ADAMTSL1: variants seen among roughly 807,000 people sequenced by gnomAD.
ADAMTSL1 encodes ADAMTS-like protein 1.
Under a neutral mutation model 201.8 loss-of-function variants are expected in ADAMTSL1, and 126 were observed. That is an observed-to-expected ratio of 0.62 (90% CI 0.54 to 0.72). ADAMTSL1 has a LOEUF of 0.72. Among genes scored for constraint, ADAMTSL1 ranks in the 30% least tolerant of loss-of-function variants. The pLI is 0.00. For synonymous variants in ADAMTSL1, 1,121 were observed against 903.4 expected (o/e 1.24, Z -4.32); for missense variants, 2,679 against 2,277.8 (o/e 1.18, Z -3.59).
chr9:18,572,399 A>C (rs1278846388), intron 3 of ADAMTSL1, among the ~76,000 whole-genome samples: 1 of 152,114 alleles, frequency 6.6e-6, no homozygotes, highest in East Asian at 1.9e-4. Context: ...TTATCTAAAA[A>C]ATTAATAATT....
chr9:18,083,997 G>A (rs973277467), intron 1 of ADAMTSL1, among the ~76,000 whole-genome samples: 3 of 152,056 alleles, frequency 2.0e-5, no homozygotes, highest in South Asian at 2.1e-4. Flanking sequence ...AACTAATGGA[G>A]GTCAATTAAA....
chr9:18,905,634 T>C lies in ADAMTSL1; in HGVS notation c.4852-148T>C, dbSNP rs565111875. ...AGAAAACGTATCAGTGAGTGTCTTT[T>C]AGTTAGCCCAAAGAGGGGAAAGATG... On this transcript the variant is annotated intron_variant, in intron 26 of 28. Coordinates refer to ENST00000380548, the MANE Select transcript of ADAMTSL1 (RefSeq NM_001040272.6). The C allele has an allele frequency of 3.0e-4, 185 of 621,292 alleles. 1 individual carries two copies. In the South Asian group the frequency reaches 3.5e-3, roughly 12 times the overall value. 38.5% of individuals were successfully genotyped at this position (621,292 alleles called of 1,614,324 possible). A position where few individuals can be genotyped will look rare whatever the true frequency, so the allele number is the denominator to read the frequency against.
rs544092925 is a variant in ADAMTSL1, at chr9:18,461,211, C to T, written c.208-43618C>T. Among the ~76,000 whole-genome samples, 8 of 152,130 alleles carry T rather than the reference C, an allele frequency of 5.3e-5. No individual in the cohort carries two copies. The South Asian group carries it at 8.3e-4, about 16-fold the overall frequency. ...TTACAGATTTTAGTAAATATCAGTA[C>T]CAAATATTGCGTATATTTTAACATA... On this transcript the variant is annotated intron_variant, in intron 2 of 29. Coordinates refer to the ADAMTSL1 transcript ENST00000680146.
intron 1 of ADAMTSL1, among the ~76,000 whole-genome samples, chr9:18,499,519 G>A (rs558814851): frequency 6.6e-6 from 1 of 152,346 alleles, no homozygotes; most frequent in Non-Finnish European, 1.5e-5. Context: ...TGGCCAGGAT[G>A]TTTCTGTGTA....
At chr9:18,359,071 A>T (rs1402284432) in intron 2 of ADAMTSL1, among the ~76,000 whole-genome samples, 2 of 152,212 alleles carry the variant, frequency 1.3e-5, no homozygotes, top group African/African-American at 4.8e-5. Flanking sequence ...CCATGCTCTT[A>T]TCCAGTAATT....
chr9:18,450,947 T>C (rs1358459285), intron 2 of ADAMTSL1, among the ~76,000 whole-genome samples: 1 of 152,228 alleles, frequency 6.6e-6, no homozygotes, highest in African/African-American at 2.4e-5. Context: ...AGTCTGGGTT[T>C]GTGGTTACTT....
At chr9:18,156,637 TACACACACACACAC>T (rs56324477) in intron 1 of ADAMTSL1, among the ~76,000 whole-genome samples, 1 of 150,340 alleles carries the variant, frequency 6.7e-6, no homozygotes, top group East Asian at 2.0e-4. Flanking sequence ...CATAAACACA[TACACACACACACAC>T]ACACACACAC....
intron 3 of ADAMTSL1, among the ~76,000 whole-genome samples, chr9:18,564,288 C>A (rs1357403863): frequency 6.6e-6 from 1 of 152,190 alleles, no homozygotes; most frequent in Non-Finnish European, 1.5e-5. Flanking sequence ...CGTTGCACTT[C>A]CCTGGTGAGG....
At chr9:18,063,475 T>C (rs1279126699) in intron 1 of ADAMTSL1, among the ~76,000 whole-genome samples, 1 of 152,232 alleles carries the variant, frequency 6.6e-6, no homozygotes, top group Non-Finnish European at 1.5e-5. Context: ...CTTTCCTCTT[T>C]TATCTAAATA....
chr9:18,414,966 A>G (rs924139435), intron 2 of ADAMTSL1, among the ~76,000 whole-genome samples: 1 of 152,192 alleles, frequency 6.6e-6, no homozygotes, highest in African/African-American at 2.4e-5. Context: ...ACTGCTAGGA[A>G]AGTCTTGCCT....
intron 1 of ADAMTSL1, among the ~76,000 whole-genome samples, chr9:17,924,751 C>G (rs1361052560): frequency 7.3e-6 from 1 of 137,884 alleles, no homozygotes; most frequent in Admixed American, 7.6e-5. Flanking sequence ...CATAAAAACC[C>G]TAGAAGAAAA....
At chr9:18,131,569 C>G (rs1825955447) in intron 1 of ADAMTSL1, among the ~76,000 whole-genome samples, 1 of 152,174 alleles carries the variant, frequency 6.6e-6, no homozygotes, top group African/African-American at 2.4e-5. Flanking sequence ...CAAGATTACT[C>G]TCTTCTTGAC....
intron 2 of ADAMTSL1, among the ~76,000 whole-genome samples, chr9:18,187,895 C>T (rs1053216537): frequency 7.2e-5 from 11 of 151,992 alleles, no homozygotes; most frequent in African/African-American, 1.2e-4. Context: ...GTATATATCC[C>T]GTGTTTCAAA....
At chr9:18,229,638 C>A (rs1563822122) in intron 2 of ADAMTSL1, among the ~76,000 whole-genome samples, 1 of 151,862 alleles carries the variant, frequency 6.6e-6, no homozygotes, top group Non-Finnish European at 1.5e-5. Flanking sequence ...CAAGTCTCTT[C>A]CAATCATAAA....
At chr9:18,498,955 G>A (rs1015552364) in intron 1 of ADAMTSL1, among the ~76,000 whole-genome samples, 4 of 152,266 alleles carry the variant, frequency 2.6e-5, no homozygotes, top group South Asian at 2.1e-4. Flanking sequence ...AGTGCAGTTA[G>A]TCGCCTTAAC....
In ADAMTSL1 at chr9:18,558,868, G is replaced by C. The variant is rs754024088; in HGVS notation, c.238-15162G>C. Among the ~76,000 whole-genome samples, 134 of 151,188 alleles carry C rather than the reference G, an allele frequency of 8.9e-4. No individual in the cohort carries two copies. The Middle Eastern group carries it at 0.027, about 31-fold the overall frequency. On this transcript the variant is annotated intron_variant, in intron 3 of 28. Coordinates refer to ENST00000380548, the MANE Select transcript of ADAMTSL1 (RefSeq NM_001040272.6). Reference sequence around the variant, plus strand: ...CTTTTTGATAGGGTTGTTTTTTTCTGGTAAATTTGTTTAAGTTCTTTATAG... The same window carrying C: ...CTTTTTGATAGGGTTGTTTTTTTCTCGTAAATTTGTTTAAGTTCTTTATAG...
At chr9:17,984,117 A>G (rs963075217) in intron 1 of ADAMTSL1, among the ~76,000 whole-genome samples, 11 of 152,194 alleles carry the variant, frequency 7.2e-5, no homozygotes, top group African/African-American at 2.4e-4. Context: ...TTTAAGGCCC[A>G]TTCTCAAGAA....
chr9:18,470,173 C>T (rs541082892), upstream of ADAMTSL1, among the ~76,000 whole-genome samples: 293 of 152,238 alleles, frequency 1.9e-3, 2 homozygotes, highest in Non-Finnish European at 3.0e-3. Context: ...CCATTTTCTA[C>T]GTAGGAGGAC....
intron 4 of ADAMTSL1, among the ~76,000 whole-genome samples, chr9:18,599,832 G>C (rs944365219): frequency 1.4e-4 from 21 of 150,268 alleles, no homozygotes; most frequent in Admixed American, 4.0e-4. Context: ...TAAAAATCTG[G>C]ATTCAAAACA....
Sources: allele counts gnomAD v4.1 joint callset (sites outside exome capture counted in the v4.1 genomes callset), GRCh38; gene constraint gnomAD v4.1.1; transcripts MANE v1.5; gene names NCBI Gene and HGNC (gene_info 2026-07-23, HGNC 2026-07-21).